ACTR1B: variants seen among roughly 807,000 people sequenced by gnomAD.
ACTR1B encodes beta-centractin.
Under a neutral mutation model 49.4 loss-of-function variants are expected in ACTR1B, and 34 were observed. That is an observed-to-expected ratio of 0.69 (90% CI 0.52 to 0.92). The LOEUF (loss-of-function observed/expected upper bound fraction) is 0.92, where lower values mean the gene tolerates loss of function less well. Ranked by LOEUF, ACTR1B falls within the 40% of genes least tolerant of loss-of-function variation. ACTR1B has a pLI of 0.00. For missense variants in ACTR1B, 471 were observed against 522.4 expected, an observed-to-expected ratio of 0.90 and a Z score of 0.96; for synonymous variants, 207 against 207.8, an observed-to-expected ratio of 1.00 and a Z score of 0.03.
chr2:97,663,846 G>C lies in ACTR1B; in HGVS notation c.45C>G (p.Asp15Glu), dbSNP rs981969297. Residue 15 changes from aspartate to glutamate, a missense_variant, in exon 1 of 11, where the codon GAC (aspartate) becomes GAG (glutamate). Transcript: ENST00000289228. ...DIIANQPVVI[D>E]NGSGVIKAGF... Reference sequence around the variant, plus strand: ...CCCCCTGGCTGCCGGGCCTCACGTTGTCGATGACCACAGGCTGGTTGGCGA... The same window carrying C: ...CCCCCTGGCTGCCGGGCCTCACGTTCTCGATGACCACAGGCTGGTTGGCGA... 2.8e-6 allele frequency: 4 copies of C among 1,424,506 alleles called. No homozygotes were observed. Among genetic ancestry groups the C allele is most frequent in the Non-Finnish European group, 3.7e-6 (4 of 1,075,406 alleles). 88.2% of individuals were successfully genotyped at this position (1,424,506 alleles called of 1,614,324 possible).
In ACTR1B at chr2:97,658,880, G is replaced by A. The variant is rs114372148; in HGVS notation, c.439C>T (p.Leu147=). 1,014 of 1,614,066 alleles carry A rather than the reference G, an allele frequency of 6.3e-4. 3 individuals carry two copies. The African/African-American group carries it at 0.011, about 18-fold the overall frequency. Residue 147 remains leucine (L), a splice_region_variant and synonymous_variant, in exon 5 of 11, where the codon CTG becomes TTG. Coordinates refer to ENST00000289228, the MANE Select transcript of ACTR1B (RefSeq NM_005735.4). The surrounding 1 kb of genome is among the most constrained non-coding windows in gnomAD (Gnocchi z 5.9). Reference sequence around the variant, plus strand: ...AGGCCAGGCTTAGGGAGCACTCACAGACTGAGCACAGCCTGCATGGAGATG... The same window carrying A: ...AGGCCAGGCTTAGGGAGCACTCACAAACTGAGCACAGCCTGCATGGAGATG... The part of the protein sequence containing the change: ...LFISMQAVLS[L]YATGRTTGVV...
chr2:97,658,121 T>C lies in ACTR1B; in HGVS notation c.751-4A>G, dbSNP rs1054596091. The C allele has an allele frequency of 3.1e-6, 5 of 1,613,756 alleles. No homozygotes were observed. In the African/African-American group the frequency reaches 6.7e-5, roughly 22 times the overall value. On this transcript the variant is annotated splice_polypyrimidine_tract_variant and splice_region_variant and intron_variant, in intron 7 of 10. Coordinates refer to ENST00000289228, the MANE Select transcript of ACTR1B (RefSeq NM_005735.4). This position sits in a 1 kb window ranked among gnomAD's most constrained non-coding sequence, Gnocchi z 5.9. Reference sequence around the variant, plus strand: ...CCCGGAATCGTGCAGGCCCCACCTTTAGTGTACAAGATTGAGGCAGACAGG... The same window carrying C: ...CCCGGAATCGTGCAGGCCCCACCTTCAGTGTACAAGATTGAGGCAGACAGG...
In ACTR1B at chr2:97,659,125, G is replaced by A; in HGVS notation, c.316-122C>T. 2.7e-6 allele frequency: 4 copies of A among 1,506,690 alleles called. No homozygotes were observed. The highest frequency in any genetic ancestry group is 3.6e-6 in the Non-Finnish European group (4 of 1,104,390). 93.3% of individuals were successfully genotyped at this position (1,506,690 alleles called of 1,614,324 possible). On this transcript the variant is annotated intron_variant, in intron 4 of 10. Transcript: ENST00000289228. This position sits in a 1 kb window ranked among gnomAD's most constrained non-coding sequence, Gnocchi z 4.0. ...GCTCAGCCTCCTACCCCTCCTGAGGGCCCCATCCCTTTATCTGCTGGCAGT... is the reference window on the plus strand; with the variant it reads ...GCTCAGCCTCCTACCCCTCCTGAGGACCCCATCCCTTTATCTGCTGGCAGT...
rs1174941898 is a variant in ACTR1B, at chr2:97,658,428, T to C, written c.656A>G (p.Glu219Gly). 1 of 1,613,994 alleles carries C rather than the reference T, an allele frequency of 6.2e-7. No individual in the cohort carries two copies. Among genetic ancestry groups the C allele is most frequent in the Non-Finnish European group, 8.5e-7 (1 of 1,179,958 alleles). ...AEFEVVRTIK[E>G]RACYLSINPQ... ...CCACACCCTCTCGCCCCTTGTCACCTCTTTGATTGTCCGGACAACCTCAAA... is the reference window on the plus strand; with the variant it reads ...CCACACCCTCTCGCCCCTTGTCACCCCTTTGATTGTCCGGACAACCTCAAA... Residue 219 changes from glutamate to glycine, a missense_variant and splice_region_variant, in exon 6 of 11, where the codon GAG becomes GGG. Transcript: ENST00000289228. This position sits in a 1 kb window ranked among gnomAD's most constrained non-coding sequence, Gnocchi z 5.9.
chr2:97,658,169 C>T lies in ACTR1B; in HGVS notation c.751-52G>A, dbSNP rs760368632. 2.5e-6 allele frequency: 4 copies of T among 1,613,324 alleles called. No individual in the cohort carries two copies. The African/African-American group carries it at 5.3e-5, about 22-fold the overall frequency. On this transcript the variant is annotated intron_variant, in intron 7 of 10. Transcript: ENST00000289228. The surrounding 1 kb of genome is among the most constrained non-coding windows in gnomAD (Gnocchi z 5.9). Reference sequence around the variant, plus strand: ...AGGCTTCCTGGAGAAGCGGGCTACCCCTTCCCCCAGGCTGGGCATCGGCTG... The same window carrying T: ...AGGCTTCCTGGAGAAGCGGGCTACCTCTTCCCCCAGGCTGGGCATCGGCTG...
At chr2:97,657,700 C>T (rs975796849) in intron 8 of ACTR1B, among the ~76,000 whole-genome samples, 191 bp from the exon 9 acceptor site, 3 of 152,194 alleles carry the variant, frequency 2.0e-5, no homozygotes, top group African/African-American at 4.8e-5. Context: ...ACAGAGGCAG[C>T]GTGAGATGAA....
chr2:97,662,297 G>A (rs1157264892), intron 1 of ACTR1B, among the ~76,000 whole-genome samples: 1 of 152,094 alleles, frequency 6.6e-6, no homozygotes, highest in East Asian at 1.9e-4. Flanking sequence ...TATAGAGATA[G>A]AGAAACCACG....
chr2:97,658,497 A>C lies in ACTR1B; in HGVS notation c.587T>G (p.Leu196Arg). The change falls in exon 6 of 11, where the codon CTC becomes CGC. Residue 196 changes from leucine (L) to arginine (R), a missense_variant. Transcript: ENST00000289228. The surrounding 1 kb of genome is among the most constrained non-coding windows in gnomAD (Gnocchi z 5.9). ...GTCAACCCCTTCCTTGCGCAGCAGG[A>C]GTCGGAGGTAGCGGGAGACGTCGCG... ...AGRDVSRYLR[L>R]LLRKEGVDFH... The C allele has an allele frequency of 6.2e-7, 1 of 1,614,132 alleles. No homozygotes were observed. The highest frequency in any genetic ancestry group is 8.5e-7 in the Non-Finnish European group (1 of 1,180,020).
chr2:97,663,802 G>A (rs752128123), intron 1 of ACTR1B, 41 bp downstream of exon 1: 4 of 1,325,018 alleles, frequency 3.0e-6, no homozygotes, highest in Middle Eastern at 2.7e-4. Flanking sequence ...TGCGCCCCCG[G>A]GGGCGGGGCG....
Position 97,656,964 on chromosome 2 carries a change from T to C in ACTR1B, c.1029-4A>G, listed in dbSNP as rs1237851763. On this transcript the variant is annotated splice_region_variant and splice_polypyrimidine_tract_variant and intron_variant, in intron 10 of 10. Coordinates refer to ENST00000289228, the MANE Select transcript of ACTR1B (RefSeq NM_005735.4). ...CAGCGAGGCCAGGATGGAGCCGCTG[T>C]GGGGATGGAGGGATAGTATTGCTGT... 1.9e-6 allele frequency: 3 copies of C among 1,591,266 alleles called. No individual in the cohort carries two copies. The highest frequency in any genetic ancestry group is 2.3e-5 in the East Asian group (1 of 44,096).
intron 1 of ACTR1B, 78 bp from the exon 2 acceptor site, chr2:97,662,024 T>A: frequency 6.8e-7 from 1 of 1,467,288 alleles, no homozygotes; most frequent in Non-Finnish European, 9.3e-7. Flanking sequence ...GAGAGCTGGC[T>A]GCCCCGTCAA....
At chr2:97,657,662 C>CA (rs1432594431) in intron 8 of ACTR1B, among the ~76,000 whole-genome samples, 153 bp from the exon 9 acceptor site, 1 of 152,220 alleles carries the variant, frequency 6.6e-6, no homozygotes, top group African/African-American at 2.4e-5. Flanking sequence ...GATCCAGCCC[C>CA]ATGGCTGCCT....
chr2:97,663,366 G>C (rs1158015673), intron 1 of ACTR1B, among the ~76,000 whole-genome samples: 2 of 152,228 alleles, frequency 1.3e-5, no homozygotes, highest in Non-Finnish European at 2.9e-5. Flanking sequence ...TGGACATGTG[G>C]GTGACAGAGC....
Position 97,656,792 on chromosome 2 carries a change from A to C in ACTR1B, c.*66T>G. On this transcript the variant is annotated 3_prime_UTR_variant, in exon 11 of 11. Transcript: ENST00000289228. ...AAGCCTAGTATACGAGCCAAGACCA[A>C]AAAGGGTTAAAGGCTCTGTCTCCCC... The C allele has an allele frequency of 1.4e-6, 2 of 1,407,860 alleles. No homozygotes were observed. Among genetic ancestry groups the C allele is most frequent in the Non-Finnish European group, 2.0e-6 (2 of 1,017,314 alleles). The allele number at this position is 1,407,860 out of a possible 1,614,324, so 87.2% of individuals were successfully genotyped here. A position where few individuals can be genotyped will look rare whatever the true frequency, so the allele number is the denominator to read the frequency against.
chr2:97,658,163 G>A lies in ACTR1B; in HGVS notation c.751-46C>T, dbSNP rs771691922. 1 of 1,613,346 alleles carries A rather than the reference G, an allele frequency of 6.2e-7. No individual in the cohort carries two copies. Among genetic ancestry groups the A allele is most frequent in the Non-Finnish European group, 8.5e-7 (1 of 1,179,772 alleles). On this transcript the variant is annotated intron_variant, in intron 7 of 10. Coordinates refer to ENST00000289228, the MANE Select transcript of ACTR1B (RefSeq NM_005735.4). The surrounding 1 kb of genome is among the most constrained non-coding windows in gnomAD (Gnocchi z 5.9). ...GCAGACAGGCTTCCTGGAGAAGCGG[G>A]CTACCCCTTCCCCCAGGCTGGGCAT...
At chr2:97,657,568 C>A in intron 8 of ACTR1B, 59 bp from the exon 9 acceptor site, 1 of 1,565,742 alleles carries the variant, frequency 6.4e-7, no homozygotes, top group South Asian at 1.1e-5. Context: ...GCTGCTAGCT[C>A]CCGCACCCAG....
rs1005318665 is a variant in ACTR1B at position 97,659,544 on chromosome 2, A to G, written c.190-67T>C. 1.3e-6 allele frequency: 2 copies of G among 1,594,772 alleles called. No individual in the cohort carries two copies. Among genetic ancestry groups the G allele is most frequent in the Non-Finnish European group, 8.5e-7 (1 of 1,173,784 alleles). On this transcript the variant is annotated intron_variant, in intron 3 of 10. Coordinates refer to ENST00000289228, the MANE Select transcript of ACTR1B (RefSeq NM_005735.4). The surrounding 1 kb of genome is among the most constrained non-coding windows in gnomAD (Gnocchi z 4.0). Reference sequence around the variant, plus strand: ...CAGCGGCTGCTTTCCGCCCTCCTGGAAGCTGACCCTCACCTGCCCTGACCA... The same window carrying G: ...CAGCGGCTGCTTTCCGCCCTCCTGGGAGCTGACCCTCACCTGCCCTGACCA...
chr2:97,657,871 A>AG, intron 8 of ACTR1B, 72 bp downstream of exon 8: 1 of 1,530,894 alleles, frequency 6.5e-7, no homozygotes, highest in Non-Finnish European at 8.9e-7. Context: ...GGCTCTGGGT[A>AG]GGGGTATACT....
At position 97,658,857 on chromosome 2, in the gene ACTR1B, G is replaced by A. The variant is rs750993182; in HGVS notation, c.440+22C>T. The A allele has an allele frequency of 6.2e-7, 1 of 1,613,892 alleles. No individual in the cohort carries two copies. Among genetic ancestry groups the A allele is most frequent in the Non-Finnish European group, 8.5e-7 (1 of 1,179,942 alleles). ...CACAGGGAGGACAGGACTCAGGGAG[G>A]CCAGGCTTAGGGAGCACTCACAGAC... On this transcript the variant is annotated intron_variant, in intron 5 of 10. Transcript: ENST00000289228. The surrounding 1 kb of genome is among the most constrained non-coding windows in gnomAD (Gnocchi z 5.9).
Sources: gnomAD v4.1 joint callset for allele counts (sites outside exome capture counted in the v4.1 genomes callset) on GRCh38, gnomAD v4.1.1 for gene constraint, Gnocchi (gnomAD v3.1) non-coding constraint, MANE v1.5 for transcripts, NCBI Gene and HGNC (gene_info 2026-07-23, HGNC 2026-07-21) for gene names.